Variants in HCN1 observed in about 807,000 individuals in gnomAD.
HCN1 encodes potassium/sodium hyperpolarization-activated cyclic nucleotide-gated channel 1.
HCN1 carries 13 observed loss-of-function variants against 78.9 expected under a neutral mutation model. The ratio of observed to expected loss-of-function variants is 0.16; its 90% CI spans 0.11 to 0.26. The LOEUF is 0.26. HCN1 is among the 10% of genes least tolerant of loss of function. The pLI is 1.00. For missense variants in HCN1, 810 were observed against 1,154.3 expected (o/e 0.70, Z 4.32); for synonymous variants, 552 against 455.5 (o/e 1.21, Z -2.70).
rs1279507300 is a variant in HCN1 at position 45,665,159 on chromosome 5, G to T, written c.426-19551C>A. On this transcript the variant is annotated intron_variant, in intron 1 of 7. Coordinates refer to ENST00000303230, the MANE Select transcript of HCN1 (RefSeq NM_021072.4). ...TCATGTACTTTGTAGGGACATGGATGAAATTGGAAATCATCATTCTCAGTA... is the reference window on the plus strand; with the variant it reads ...TCATGTACTTTGTAGGGACATGGATTAAATTGGAAATCATCATTCTCAGTA... Among the ~76,000 whole-genome samples, 10 of 152,100 alleles carry T rather than the reference G, an allele frequency of 6.6e-5. No homozygotes were observed. The East Asian group carries it at 7.8e-4, about 12-fold the overall frequency.
rs1740934303 is a variant in HCN1 at position 45,452,275 on chromosome 5, G to A, written c.1011+9571C>T. On this transcript the variant is annotated intron_variant, in intron 3 of 7. Coordinates refer to ENST00000303230, the MANE Select transcript of HCN1 (RefSeq NM_021072.4). ...ATTAACTCTTATTTGGATTGGAGCT[G>A]TGTTTCTGAGGCACCTAGCTGGTAA... Among the ~76,000 whole-genome samples, 6 of 150,470 alleles carry A rather than the reference G, an allele frequency of 4.0e-5. No homozygotes were observed. In the South Asian group the frequency reaches 1.3e-3, roughly 32 times the overall value.
intron 3 of HCN1, among the ~76,000 whole-genome samples, chr5:45,431,292 G>GT (rs1329040190): frequency 2.6e-5 from 4 of 152,054 alleles, no homozygotes; most frequent in Non-Finnish European, 4.4e-5. Flanking sequence ...TAATGGGGTT[G>GT]TTTTTTTGCT....
intron 4 of HCN1, among the ~76,000 whole-genome samples, chr5:45,358,345 G>T (rs765930998): frequency 8.6e-5 from 13 of 152,020 alleles, no homozygotes; most frequent in Non-Finnish European, 1.5e-4. Context: ...TTATATCCAT[G>T]AAATGATACC....
Position 45,593,338 on chromosome 5 carries a change from T to TCA in HCN1, c.849+51846_849+51847insTG, listed in dbSNP as rs1491518338. Among the ~76,000 whole-genome samples, 782 of 120,156 alleles carry TCA rather than the reference T, an allele frequency of 6.5e-3. 1 individual carries two copies. The highest frequency in any genetic ancestry group is 0.015 in the African/African-American group (470 of 32,336). 78.8% of individuals were successfully genotyped at this position (120,156 alleles called of 152,430 possible). A position where few individuals can be genotyped will look rare whatever the true frequency, so the allele number is the denominator to read the frequency against. ...CTCTCTCTCCCTCTCTCTCTCTCTC[T>TCA]CTCACACACACACACACACACACAC... On this transcript the variant is annotated intron_variant, in intron 2 of 7. Transcript: ENST00000303230.
intron 5 of HCN1, among the ~76,000 whole-genome samples, chr5:45,324,157 G>C (rs551214811): frequency 6.6e-6 from 1 of 151,400 alleles, no homozygotes. Context: ...TGATGGTTGG[G>C]ATCTAATTAA....
chr5:45,373,552 T>C lies in HCN1; in HGVS notation c.1231-20306A>G, dbSNP rs894520588. Among the ~76,000 whole-genome samples the C allele has an allele frequency of 2.1e-5, 3 of 141,294 alleles. No homozygotes were observed. The East Asian group carries it at 6.3e-4, about 30-fold the overall frequency. The allele number at this position is 141,294 out of a possible 152,430, so 92.7% of individuals were successfully genotyped here. A position where few individuals can be genotyped will look rare whatever the true frequency, so the allele number is the denominator to read the frequency against. On this transcript the variant is annotated intron_variant, in intron 4 of 7. Coordinates refer to ENST00000303230, the MANE Select transcript of HCN1 (RefSeq NM_021072.4). ...CATACATTATATAGGTCATCTATAA[T>C]ATATATTACATACATTATATACGTC...
At chr5:45,293,139 T>C (rs1745414162) in intron 6 of HCN1, among the ~76,000 whole-genome samples, 1 of 151,962 alleles carries the variant, frequency 6.6e-6, no homozygotes, top group East Asian at 1.9e-4. Context: ...GGTTAAACGG[T>C]ATTTCTGTCT....
chr5:45,531,191 CT>C (rs1412158415), intron 2 of HCN1, among the ~76,000 whole-genome samples: 1 of 152,154 alleles, frequency 6.6e-6, no homozygotes, highest in Non-Finnish European at 1.5e-5. Flanking sequence ...AACAGTGAAA[CT>C]GAATAATCCC....
At chr5:45,491,522 A>G (rs971057330) in intron 2 of HCN1, among the ~76,000 whole-genome samples, 2 of 152,158 alleles carry the variant, frequency 1.3e-5, no homozygotes, top group Admixed American at 6.5e-5. Context: ...TAGACTTGCT[A>G]GTTACTTATT....
At chr5:45,317,881 C>G (rs1189411707) in intron 5 of HCN1, among the ~76,000 whole-genome samples, 14 of 152,018 alleles carry the variant, frequency 9.2e-5, no homozygotes, top group Middle Eastern at 3.4e-3. Context: ...TCTCACACCA[C>G]TTAGAATGGC....
intron 2 of HCN1, among the ~76,000 whole-genome samples, chr5:45,600,297 C>T (rs1470822795): frequency 6.6e-6 from 1 of 151,852 alleles, no homozygotes; most frequent in Non-Finnish European, 1.5e-5. Context: ...TTAATTGACC[C>T]CAAAATATTT....
At chr5:45,374,916 C>G (rs1358823888) in intron 4 of HCN1, among the ~76,000 whole-genome samples, 2 of 143,498 alleles carry the variant, frequency 1.4e-5, no homozygotes, top group Admixed American at 7.5e-5. Context: ...AGAGAGAGAA[C>G]TATACTATAG....
chr5:45,347,414 G>T (rs752798680), intron 5 of HCN1, among the ~76,000 whole-genome samples: 1 of 151,988 alleles, frequency 6.6e-6, no homozygotes, highest in Non-Finnish European at 1.5e-5. Context: ...ACAAAGATGG[G>T]GAAAAAACAG....
At chr5:45,636,158 C>T (rs887988654) in intron 2 of HCN1, among the ~76,000 whole-genome samples, 3 of 152,130 alleles carry the variant, frequency 2.0e-5, no homozygotes, top group Non-Finnish European at 2.9e-5. Flanking sequence ...TATCATCACA[C>T]CTTTCTTATT....
chr5:45,401,444 C>T (rs1579870051), intron 3 of HCN1, among the ~76,000 whole-genome samples: 1 of 152,024 alleles, frequency 6.6e-6, no homozygotes, highest in South Asian at 2.1e-4. Context: ...TTATCATTTG[C>T]CTATTGACCT....
At chr5:45,297,984 G>GAA (rs34697538) in intron 6 of HCN1, among the ~76,000 whole-genome samples, 8,289 of 150,904 alleles carry the variant, frequency 0.055, 338 homozygotes, top group East Asian at 0.13. Context: ...AAGAACATCT[G>GAA]AAAAAAAAAC....
intron 2 of HCN1, among the ~76,000 whole-genome samples, chr5:45,562,532 C>CAAAAAAG (rs1743626127): frequency 3.8e-5 from 3 of 79,888 alleles, no homozygotes; most frequent in African/African-American, 2.0e-4. Flanking sequence ...AAACAAAAAA[C>CAAAAAAG]CCTTAGGTAA....
Position 45,396,616 on chromosome 5 carries a change from A to G in HCN1, c.1106T>C (p.Met369Thr). Reference sequence around the variant, plus strand: ...CAGCATGGTAATCCAGAGGTCAGACATGCTGACTGGGGCTTGGGCTCCATA... The same window carrying G: ...CAGCATGGTAATCCAGAGGTCAGACGTGCTGACTGGGGCTTGGGCTCCATA... Reference protein sequence around the residue: ...IGYGAQAPVSMSDLWITMLSM... With the variant: ...IGYGAQAPVSTSDLWITMLSM... Residue 369 changes from methionine to threonine, a missense_variant, in exon 4 of 8, where the codon ATG becomes ACG. Met to Thr is a moderately conservative substitution (Grantham distance 81). Around this residue, in one of 6 missense-constraint regions of HCN1, gnomAD observed 104 missense variants for 402.8 expected, o/e 0.26. Transcript: ENST00000303230. 3 of 1,613,954 alleles carry G rather than the reference A, an allele frequency of 1.9e-6. No individual in the cohort carries two copies. The highest frequency in any genetic ancestry group is 2.5e-6 in the Non-Finnish European group (3 of 1,179,898).
intron 6 of HCN1, among the ~76,000 whole-genome samples, chr5:45,287,060 G>C (rs1745283243): frequency 6.6e-6 from 1 of 151,438 alleles, no homozygotes; most frequent in Admixed American, 6.6e-5. Flanking sequence ...ATATTATTTA[G>C]CAATAGGCTA....
Sources: allele counts gnomAD v4.1 joint callset (sites outside exome capture counted in the v4.1 genomes callset), GRCh38; gene constraint gnomAD v4.1.1; regional missense constraint gnomAD v4.1.1; transcripts MANE v1.5; gene names NCBI Gene and HGNC (gene_info 2026-07-23, HGNC 2026-07-21).